Variants in GRID2 observed in about 807,000 individuals in gnomAD.
The protein encoded by GRID2 is glutamate ionotropic receptor delta type subunit 2.
Under a neutral mutation model 114.8 loss-of-function variants are expected in GRID2, and 33 were observed. The observed-to-expected ratio is 0.29, with a 90% CI of 0.22 to 0.38. GRID2 has a LOEUF of 0.38. Ranked by LOEUF, GRID2 falls within the 10% of genes least tolerant of loss-of-function variation. The pLI is 1.00. For synonymous variants in GRID2, 505 were observed against 449.9 expected (o/e 1.12, Z -1.55); for missense variants, 1,184 against 1,257.7 (o/e 0.94, Z 0.89).
intron 9 of GRID2, among the ~76,000 whole-genome samples, chr4:93,398,668 T>C (rs1481994430): frequency 6.6e-6 from 1 of 151,738 alleles, no homozygotes; most frequent in Non-Finnish European, 1.5e-5. Flanking sequence ...CCTTCATGAC[T>C]CTTAATAATC....
chr4:93,787,375 C>T (rs1399506897), intron 1 of GRID2, among the ~76,000 whole-genome samples: 1 of 151,996 alleles, frequency 6.6e-6, no homozygotes, highest in African/African-American at 2.4e-5. Context: ...ATAAAAAGCA[C>T]ATTGGGAGAA....
At chr4:93,638,107 T>C (rs1173851829) in intron 14 of GRID2, among the ~76,000 whole-genome samples, 2 of 152,122 alleles carry the variant, frequency 1.3e-5, no homozygotes, top group African/African-American at 4.8e-5. Flanking sequence ...AGTTCTCTGT[T>C]TTAATACCAA....
At chr4:92,633,892 G>A (rs571602033) in intron 2 of GRID2, among the ~76,000 whole-genome samples, 3 of 150,688 alleles carry the variant, frequency 2.0e-5, no homozygotes, top group Non-Finnish European at 2.9e-5. Flanking sequence ...GGAGAATTTG[G>A]CATTTTCACT....
intron 4 of GRID2, among the ~76,000 whole-genome samples, chr4:93,114,679 A>G (rs1733072642): frequency 6.6e-6 from 1 of 152,146 alleles, no homozygotes; most frequent in Non-Finnish European, 1.5e-5. Context: ...TCTCAGACAC[A>G]TCCCACCTCC....
intron 8 of GRID2, among the ~76,000 whole-genome samples, chr4:93,387,329 G>T (rs912787692): frequency 6.6e-6 from 1 of 152,128 alleles, no homozygotes; most frequent in African/African-American, 2.4e-5. Flanking sequence ...TCTCTCCAGA[G>T]TTAGGTAATA....
intron 2 of GRID2, among the ~76,000 whole-genome samples, chr4:92,870,152 G>A (rs1278384072): frequency 6.6e-6 from 1 of 151,900 alleles, no homozygotes; most frequent in Non-Finnish European, 1.5e-5. Context: ...GGTGAGCTGT[G>A]ATCGTGCCAC....
chr4:92,560,124 A>T (rs1727040993), intron 1 of GRID2, among the ~76,000 whole-genome samples: 1 of 152,210 alleles, frequency 6.6e-6, no homozygotes, highest in Admixed American at 6.5e-5. Context: ...CATATTCCAT[A>T]ATCCAAAATG....
intron 2 of GRID2, among the ~76,000 whole-genome samples, chr4:92,823,608 T>G (rs767295431): frequency 1.3e-5 from 2 of 150,516 alleles, no homozygotes; most frequent in Admixed American, 1.3e-4. Context: ...CACTGAAAAG[T>G]TCTAGATTAA....
chr4:92,463,189 A>T (rs1002851509), intron 1 of GRID2, among the ~76,000 whole-genome samples: 1 of 151,904 alleles, frequency 6.6e-6, no homozygotes, highest in Non-Finnish European at 1.5e-5. Context: ...ATGGAGATTC[A>T]GTTTTTTAAT....
intron 2 of GRID2, among the ~76,000 whole-genome samples, chr4:92,818,876 T>C (rs141327196): frequency 1.3e-4 from 20 of 152,240 alleles, no homozygotes; most frequent in African/African-American, 4.8e-4. Context: ...AAGCCCAAAT[T>C]ATATAATTGT....
chr4:93,057,260 TG>T (rs1284218020), intron 2 of GRID2, among the ~76,000 whole-genome samples: 1 of 151,762 alleles, frequency 6.6e-6, no homozygotes, highest in Admixed American at 6.6e-5. Flanking sequence ...AATATAGAAA[TG>T]GGATTACTTA....
chr4:93,510,500 TAAC>T (rs763793845), intron 12 of GRID2, among the ~76,000 whole-genome samples: 2 of 152,248 alleles, frequency 1.3e-5, no homozygotes, highest in Non-Finnish European at 2.9e-5. Flanking sequence ...GATGTGTTTT[TAAC>T]AACGTATTTA....
At chr4:92,992,297 T>A (rs182691106) in intron 2 of GRID2, among the ~76,000 whole-genome samples, 1 of 152,282 alleles carries the variant, frequency 6.6e-6, no homozygotes, top group African/African-American at 2.4e-5. Flanking sequence ...TCTCTGAGAA[T>A]GGATGATAAA....
intron 2 of GRID2, among the ~76,000 whole-genome samples, chr4:92,693,677 C>T (rs1382111731): frequency 6.6e-6 from 1 of 152,124 alleles, no homozygotes; most frequent in Admixed American, 6.5e-5. Flanking sequence ...ATCTAAAACT[C>T]AGGATTTATA....
intron 2 of GRID2, among the ~76,000 whole-genome samples, chr4:92,682,693 C>G (rs558840445): frequency 6.8e-6 from 1 of 146,314 alleles, no homozygotes; most frequent in African/African-American, 2.6e-5. Context: ...CACACACACA[C>G]ACACACACAC....
chr4:92,843,781 A>C (rs1743090418), intron 2 of GRID2, among the ~76,000 whole-genome samples: 1 of 152,170 alleles, frequency 6.6e-6, no homozygotes, highest in Non-Finnish European at 1.5e-5. Context: ...CTTTGATACT[A>C]TACCAAATTC....
At chr4:92,363,764 A>G (rs1294181599) in intron 1 of GRID2, among the ~76,000 whole-genome samples, 3 of 151,882 alleles carry the variant, frequency 2.0e-5, no homozygotes, top group Admixed American at 6.6e-5. Context: ...AAATTTTCAA[A>G]ATAACACATT....
intron 2 of GRID2, among the ~76,000 whole-genome samples, chr4:92,975,584 T>C (rs1314599095): frequency 6.6e-6 from 1 of 152,198 alleles, no homozygotes; most frequent in Non-Finnish European, 1.5e-5. Flanking sequence ...ACCTTCTCTG[T>C]CACCTCACTT....
intron 2 of GRID2, among the ~76,000 whole-genome samples, chr4:92,641,848 T>A (rs553086661): frequency 6.6e-6 from 1 of 151,408 alleles, no homozygotes; most frequent in Non-Finnish European, 1.5e-5. Context: ...GTATGTTCAA[T>A]GTTTTCCTTC....
Sources: allele counts gnomAD v4.1 joint callset (sites outside exome capture counted in the v4.1 genomes callset), GRCh38; gene constraint gnomAD v4.1.1; transcripts MANE v1.5; gene names NCBI Gene and HGNC (gene_info 2026-07-23, HGNC 2026-07-21).